SPOCK3: variants seen among roughly 807,000 people sequenced by gnomAD.
SPOCK3 encodes testican-3.
In SPOCK3, 30 loss-of-function variants were observed where a neutral mutation model predicts 56.6. The ratio of observed to expected loss-of-function variants is 0.53; its 90% CI spans 0.40 to 0.72. SPOCK3 has a LOEUF of 0.72. Among genes scored for constraint, SPOCK3 ranks in the 30% least tolerant of loss-of-function variants. SPOCK3 has a pLI of 0.00. For missense variants in SPOCK3, 527 were observed against 530.0 expected, an observed-to-expected ratio of 0.99 and a Z score of 0.06; for synonymous variants, 196 against 183.3, an observed-to-expected ratio of 1.07 and a Z score of -0.56.
chr4:166,961,245 G>A (rs1320513595), intron 4 of SPOCK3, among the ~76,000 whole-genome samples: 4 of 126,254 alleles, frequency 3.2e-5, no homozygotes, highest in African/African-American at 7.8e-5. Context: ...TCTTACCCAC[G>A]AAATTAAAAA....
intron 6 of SPOCK3, among the ~76,000 whole-genome samples, chr4:166,846,570 T>C (rs1748082964): frequency 6.6e-6 from 1 of 152,160 alleles, no homozygotes; most frequent in African/African-American, 2.4e-5. Flanking sequence ...TCATTGGTCA[T>C]ACATTTTTGT....
chr4:167,231,305 G>C (rs2111178140), intron 2 of SPOCK3, among the ~76,000 whole-genome samples: 1 of 151,754 alleles, frequency 6.6e-6, no homozygotes, highest in South Asian at 2.1e-4. Context: ...ATGTAAAACA[G>C]TCACTTCGGA....
chr4:167,085,107 C>G (rs1204342829), intron 2 of SPOCK3, among the ~76,000 whole-genome samples: 1 of 149,252 alleles, frequency 6.7e-6, no homozygotes, highest in Non-Finnish European at 1.5e-5. Flanking sequence ...TTCAGGCAAG[C>G]AAAATGTTGG....
chr4:167,053,453 G>A (rs991973780), intron 3 of SPOCK3, among the ~76,000 whole-genome samples: 7 of 152,062 alleles, frequency 4.6e-5, no homozygotes, highest in East Asian at 1.9e-4. Flanking sequence ...TTGGGAGGCC[G>A]AGGGGCAGAT....
intron 6 of SPOCK3, among the ~76,000 whole-genome samples, chr4:166,812,690 T>C (rs746593925): frequency 2.0e-5 from 3 of 152,000 alleles, no homozygotes; most frequent in Non-Finnish European, 4.4e-5. Context: ...CAGTATGATA[T>C]TGGAATGAAC....
At chr4:167,163,821 C>T (rs1418059583) in intron 2 of SPOCK3, among the ~76,000 whole-genome samples, 1 of 151,994 alleles carries the variant, frequency 6.6e-6, no homozygotes, top group South Asian at 2.1e-4. Context: ...GAATATGATT[C>T]AAGTTAGTAT....
At chr4:166,829,913 C>G (rs1438439301) in intron 6 of SPOCK3, among the ~76,000 whole-genome samples, 1 of 152,096 alleles carries the variant, frequency 6.6e-6, no homozygotes, top group Non-Finnish European at 1.5e-5. Context: ...CTCCTTGACA[C>G]TGTGGTGGAA....
At chr4:167,177,298 T>TTTTTTCC (rs1731070396) in intron 2 of SPOCK3, among the ~76,000 whole-genome samples, 1 of 152,000 alleles carries the variant, frequency 6.6e-6, no homozygotes, top group Non-Finnish European at 1.5e-5. Context: ...CAGCACTTTT[T>TTTTTTCC]TTTTTCCAGT....
intron 2 of SPOCK3, among the ~76,000 whole-genome samples, chr4:167,198,316 GA>G (rs1294226432): frequency 1.3e-5 from 2 of 152,086 alleles, no homozygotes; most frequent in Admixed American, 1.3e-4. Context: ...AGAATATCTG[GA>G]ATGGCTATGG....
At chr4:166,875,540 T>C (rs548053627) in intron 6 of SPOCK3, among the ~76,000 whole-genome samples, 32 of 152,154 alleles carry the variant, frequency 2.1e-4, no homozygotes, top group Non-Finnish European at 3.5e-4. Context: ...AAATAAAGAG[T>C]TGTCTGATAT....
At chr4:166,879,318 C>T (rs1733447850) in intron 6 of SPOCK3, among the ~76,000 whole-genome samples, 2 of 151,878 alleles carry the variant, frequency 1.3e-5, no homozygotes, top group Admixed American at 1.3e-4. Context: ...CACTTGAGGC[C>T]AGGATTTAGA....
intron 6 of SPOCK3, among the ~76,000 whole-genome samples, chr4:166,882,290 A>G (rs1036762359): frequency 6.6e-6 from 1 of 152,174 alleles, no homozygotes; most frequent in Non-Finnish European, 1.5e-5. Flanking sequence ...AGATCTCAGG[A>G]AAAGAGTTCA....
intron 7 of SPOCK3, among the ~76,000 whole-genome samples, chr4:166,783,004 T>G (rs1430492058): frequency 6.6e-6 from 1 of 152,200 alleles, no homozygotes; most frequent in South Asian, 2.1e-4. Context: ...CTGTGCATAG[T>G]ATGAGCTTAT....
At chr4:166,761,997 G>T (rs966309239) in intron 7 of SPOCK3, among the ~76,000 whole-genome samples, 3 of 151,722 alleles carry the variant, frequency 2.0e-5, no homozygotes, top group African/African-American at 4.8e-5. Flanking sequence ...GATATTTAAT[G>T]CTCATATCTG....
chr4:167,143,087 A>T (rs977853849), intron 2 of SPOCK3, among the ~76,000 whole-genome samples: 1 of 151,968 alleles, frequency 6.6e-6, no homozygotes, highest in African/African-American at 2.4e-5. Flanking sequence ...AGAGACAGAG[A>T]CTTATTTTAT....
intron 4 of SPOCK3, among the ~76,000 whole-genome samples, chr4:166,942,203 C>A (rs1741152629): frequency 6.6e-6 from 1 of 151,816 alleles, no homozygotes. Flanking sequence ...ATTTCCATTT[C>A]TTGATTTTTT....
intron 3 of SPOCK3, among the ~76,000 whole-genome samples, chr4:167,053,432 A>G (rs1297577794): frequency 6.6e-6 from 1 of 152,128 alleles, no homozygotes; most frequent in Non-Finnish European, 1.5e-5. Context: ...CACACAAGTA[A>G]TCCCAGCACT....
intron 6 of SPOCK3, among the ~76,000 whole-genome samples, chr4:166,802,288 G>T (rs1742687359): frequency 6.6e-6 from 1 of 152,128 alleles, no homozygotes; most frequent in Non-Finnish European, 1.5e-5. Context: ...ATTAGGAAAA[G>T]ATTGAAGGGA....
intron 6 of SPOCK3, among the ~76,000 whole-genome samples, chr4:166,825,789 G>A (rs1745397760): frequency 6.6e-6 from 1 of 152,086 alleles, no homozygotes; most frequent in Non-Finnish European, 1.5e-5. Context: ...AGTAATTCAG[G>A]AAAGGAAAAT....
Sources: gnomAD v4.1 joint callset for allele counts (sites outside exome capture counted in the v4.1 genomes callset) on GRCh38, gnomAD v4.1.1 for gene constraint, MANE v1.5 for transcripts, NCBI Gene and HGNC (gene_info 2026-07-23, HGNC 2026-07-21) for gene names.